Variants in ARHGAP12 observed in about 807,000 individuals in gnomAD.
The protein encoded by ARHGAP12 is rho GTPase-activating protein 12.
In ARHGAP12, 64 loss-of-function variants were observed where a neutral mutation model predicts 108.6. The ratio of observed to expected loss-of-function variants is 0.59; its 90% CI spans 0.48 to 0.73. The LOEUF (loss-of-function observed/expected upper bound fraction) is 0.73. Among genes scored for constraint, ARHGAP12 ranks in the 30% least tolerant of loss-of-function variants. The probability of loss-of-function intolerance (pLI) is 0.00; values close to 1 mark genes in which losing one functional copy is unlikely to be tolerated. For synonymous variants in ARHGAP12, 312 were observed against 337.2 expected, an observed-to-expected ratio of 0.93 and a Z score of 0.82; for missense variants, 940 against 1,005.9, an observed-to-expected ratio of 0.93 and a Z score of 0.89.
At chr10:31,850,875 A>G (rs1046990606) in intron 6 of ARHGAP12, among the ~76,000 whole-genome samples, 2 of 152,188 alleles carry the variant, frequency 1.3e-5, no homozygotes, top group African/African-American at 4.8e-5. Flanking sequence ...CTAAAAGTAT[A>G]AATTAATAAT....
Position 31,839,308 on chromosome 10 carries a change from T to C in ARHGAP12, c.1383A>G (p.Pro461=), listed in dbSNP as rs919658853. ...GAAGGAGAGGATTGCTTCTTACCTTTGGACTGCTGGCCTGAGGAAAAAAAG... is the reference window on the plus strand; with the variant it reads ...GAAGGAGAGGATTGCTTCTTACCTTCGGACTGCTGGCCTGAGGAAAAAAAG... ...SPKHQDTASS[P]KDQEKYGLLN... Residue 461 remains proline, a synonymous_variant, in exon 9 of 20, where the codon CCA becomes CCG. Transcript: ENST00000344936. 2.5e-6 allele frequency: 4 copies of C among 1,610,960 alleles called. No homozygotes were observed. The African/African-American group carries it at 5.3e-5, about 22-fold the overall frequency.
intron 1 of ARHGAP12, chr10:31,913,735 A>G (rs1186997035): frequency 6.5e-6 from 1 of 152,938 alleles, no homozygotes; most frequent in Non-Finnish European, 1.5e-5. Context: ...GAAAATAAAG[A>G]TAAACATGAA....
chr10:31,858,631 C>T (rs1008539186), intron 4 of ARHGAP12, among the ~76,000 whole-genome samples: 2 of 152,108 alleles, frequency 1.3e-5, no homozygotes, highest in African/African-American at 2.4e-5. Flanking sequence ...AACAAGTCTT[C>T]GGACTTTACC....
intron 3 of ARHGAP12, among the ~76,000 whole-genome samples, chr10:31,905,779 T>C (rs1839110289): frequency 6.6e-6 from 1 of 151,608 alleles, no homozygotes; most frequent in Non-Finnish European, 1.5e-5. Flanking sequence ...CAGGAAACAC[T>C]TGCATTGTAC....
At chr10:31,823,014 C>A (rs1835472523) in intron 11 of ARHGAP12, among the ~76,000 whole-genome samples, 1 of 151,748 alleles carries the variant, frequency 6.6e-6, no homozygotes. Flanking sequence ...GAATAACTAC[C>A]AATATTTATG....
chr10:31,926,902 T>A (rs559299278), intron 1 of ARHGAP12, among the ~76,000 whole-genome samples: 4 of 152,188 alleles, frequency 2.6e-5, no homozygotes. Flanking sequence ...TAATTATATA[T>A]GAACAACTAA....
At chr10:31,827,207 C>T (rs1564373914) in intron 10 of ARHGAP12, among the ~76,000 whole-genome samples, 1 of 152,192 alleles carries the variant, frequency 6.6e-6, no homozygotes, top group Non-Finnish European at 1.5e-5. Context: ...CCAGATTCCC[C>T]TCAACTTCTC....
At chr10:31,861,730 G>A in intron 3 of ARHGAP12, 72 bp from the exon 4 acceptor site, 1 of 1,425,038 alleles carries the variant, frequency 7.0e-7, no homozygotes, top group African/African-American at 1.4e-5. Flanking sequence ...AATGAAACAG[G>A]AGATTTATAA....
At chr10:31,837,189 A>G (rs962274128) in intron 9 of ARHGAP12, among the ~76,000 whole-genome samples, 1 of 152,334 alleles carries the variant, frequency 6.6e-6, no homozygotes, top group Admixed American at 6.5e-5. Flanking sequence ...TCTTTGTGGG[A>G]ACTGTGCATT....
At chr10:31,823,565 C>T (rs1835493462) in intron 11 of ARHGAP12, among the ~76,000 whole-genome samples, 1 of 152,052 alleles carries the variant, frequency 6.6e-6, no homozygotes, top group Admixed American at 6.5e-5. Context: ...GCGTTCCATT[C>T]ATGAGTACCT....
At chr10:31,832,757 A>G (rs1327893029) in intron 9 of ARHGAP12, among the ~76,000 whole-genome samples, 2 of 152,366 alleles carry the variant, frequency 1.3e-5, no homozygotes, top group African/African-American at 4.8e-5. Context: ...CAGAAAATAT[A>G]CATTTTTCTG....
intron 10 of ARHGAP12, among the ~76,000 whole-genome samples, chr10:31,827,142 T>A (rs544509647): frequency 6.6e-6 from 1 of 152,172 alleles, no homozygotes; most frequent in Non-Finnish European, 1.5e-5. Flanking sequence ...ACACAGCATA[T>A]GTATTATCAG....
intron 11 of ARHGAP12, among the ~76,000 whole-genome samples, chr10:31,822,819 T>G (rs1033700062): frequency 7.2e-5 from 11 of 152,106 alleles, no homozygotes; most frequent in African/African-American, 2.7e-4. Context: ...ACAGGGAATT[T>G]TGTCCTCTGG....
chr10:31,884,546 T>C (rs1838121869), intron 3 of ARHGAP12, among the ~76,000 whole-genome samples: 1 of 152,208 alleles, frequency 6.6e-6, no homozygotes, highest in Non-Finnish European at 1.5e-5. Flanking sequence ...AGTGGCAGTT[T>C]CTTAAAGATG....
At chr10:31,924,985 T>C (rs1839971988) in intron 1 of ARHGAP12, among the ~76,000 whole-genome samples, 2 of 152,188 alleles carry the variant, frequency 1.3e-5, no homozygotes, top group South Asian at 4.1e-4. Flanking sequence ...ACAAACGCAC[T>C]GATAATTTAT....
At chr10:31,872,619 G>A (rs752971583) in intron 3 of ARHGAP12, among the ~76,000 whole-genome samples, 1 of 152,086 alleles carries the variant, frequency 6.6e-6, no homozygotes. Flanking sequence ...CACCCATGGG[G>A]TCTACTGCCC....
chr10:31,830,661 T>G (rs1835797073), intron 10 of ARHGAP12, among the ~76,000 whole-genome samples: 1 of 152,210 alleles, frequency 6.6e-6, no homozygotes, highest in Non-Finnish European at 1.5e-5. Flanking sequence ...TAAAACTCTT[T>G]AAATGCAACT....
intron 6 of ARHGAP12, among the ~76,000 whole-genome samples, chr10:31,851,041 T>C (rs1010791704): frequency 6.6e-6 from 1 of 152,118 alleles, no homozygotes; most frequent in Non-Finnish European, 1.5e-5. Flanking sequence ...TATTTTATGA[T>C]TGATGAAGTA....
rs1348633045 is a variant in ARHGAP12, at chr10:31,928,788, C to G, written c.-216G>C. The G allele has an allele frequency of 5.9e-5, 9 of 151,910 alleles. No individual in the cohort carries two copies. The highest frequency in any genetic ancestry group is 1.9e-4 in the African/African-American group (8 of 41,380). The allele number at this position is 151,910 out of a possible 1,614,324, so 9.4% of individuals were successfully genotyped here. On this transcript the variant is annotated 5_prime_UTR_variant, in exon 1 of 20. Coordinates refer to ENST00000344936, the MANE Select transcript of ARHGAP12 (RefSeq NM_018287.7). ...AGCGTTCACACGGCTACGGCCGCGGCCGGCCCGTCCCCGCAGGCTGGCCTC... is the reference window on the plus strand; with the variant it reads ...AGCGTTCACACGGCTACGGCCGCGGGCGGCCCGTCCCCGCAGGCTGGCCTC...
Sources: gnomAD v4.1 joint callset for allele counts (sites outside exome capture counted in the v4.1 genomes callset) on GRCh38, gnomAD v4.1.1 for gene constraint, MANE v1.5 for transcripts, NCBI Gene and HGNC (gene_info 2026-07-23, HGNC 2026-07-21) for gene names.